ADCY2: variants seen among roughly 807,000 people sequenced by gnomAD.
ADCY2 encodes adenylate cyclase type 2.
In ADCY2, 31 loss-of-function variants were observed where a neutral mutation model predicts 125.2. That is an observed-to-expected ratio of 0.25 (90% CI 0.19 to 0.33). ADCY2 has a LOEUF of 0.33. ADCY2 is among the 10% of genes least tolerant of loss of function. ADCY2 has a pLI of 1.00. For synonymous variants in ADCY2, 512 were observed against 548.4 expected (o/e 0.93, Z 0.93); for missense variants, 904 against 1,418.2 (o/e 0.64, Z 5.82).
chr5:7,641,001 CTT>C (rs2126673526), intron 4 of ADCY2, among the ~76,000 whole-genome samples: 1 of 152,308 alleles, frequency 6.6e-6, no homozygotes, highest in South Asian at 2.1e-4. Flanking sequence ...ATTGAGCACT[CTT>C]TGAGTAGAGA....
intron 5 of ADCY2, among the ~76,000 whole-genome samples, chr5:7,692,867 C>T (rs541904543): frequency 6.2e-4 from 94 of 152,276 alleles, no homozygotes; most frequent in African/African-American, 2.1e-3. Context: ...TCTCTCCAGT[C>T]GTCTTCTGGG....
chr5:7,498,031 AAAC>A (rs1156643346), intron 2 of ADCY2, among the ~76,000 whole-genome samples: 1 of 152,160 alleles, frequency 6.6e-6, no homozygotes, highest in Admixed American at 6.6e-5. Context: ...TGTAAAACAA[AAAC>A]AACAATAATA....
At chr5:7,560,404 T>A (rs1020963963) in intron 3 of ADCY2, among the ~76,000 whole-genome samples, 1 of 152,220 alleles carries the variant, frequency 6.6e-6, no homozygotes, top group Non-Finnish European at 1.5e-5. Flanking sequence ...GCCTTTTGAA[T>A]GTTTTCAATT....
chr5:7,804,473 T>A, intron 21 of ADCY2, 112 bp from the exon 22 acceptor site: 1 of 851,644 alleles, frequency 1.2e-6, no homozygotes, highest in Non-Finnish European at 2.0e-6. Context: ...ACGCAGTGGT[T>A]GAAACAAGTC....
chr5:7,477,534 C>G (rs1742569576), intron 2 of ADCY2, among the ~76,000 whole-genome samples: 1 of 152,138 alleles, frequency 6.6e-6, no homozygotes, highest in South Asian at 2.1e-4. Flanking sequence ...AAGACAGCAC[C>G]TGAGAGGAAA....
chr5:7,753,098 C>T (rs1343996752), intron 15 of ADCY2, among the ~76,000 whole-genome samples: 1 of 152,012 alleles, frequency 6.6e-6, no homozygotes, highest in Non-Finnish European at 1.5e-5. Flanking sequence ...AGGGTTTCAC[C>T]ATGTTGGCCA....
chr5:7,615,007 G>A (rs1353600245), intron 3 of ADCY2, among the ~76,000 whole-genome samples: 2 of 152,186 alleles, frequency 1.3e-5, no homozygotes, highest in Non-Finnish European at 2.9e-5. Context: ...GAGGCCTCAG[G>A]AAACTTGCAA....
chr5:7,688,230 A>T (rs1230083194), intron 4 of ADCY2, among the ~76,000 whole-genome samples: 1 of 151,452 alleles, frequency 6.6e-6, no homozygotes, highest in Admixed American at 6.6e-5. Flanking sequence ...TCCTCTGTTC[A>T]TGTCTGAGGA....
chr5:7,608,301 G>T (rs1445147763), intron 3 of ADCY2, among the ~76,000 whole-genome samples: 1 of 152,154 alleles, frequency 6.6e-6, no homozygotes, highest in Non-Finnish European at 1.5e-5. Flanking sequence ...CTTAAAACAG[G>T]CTGGGTGTGG....
chr5:7,770,184 C>T (rs1222730290), intron 17 of ADCY2, among the ~76,000 whole-genome samples: 1 of 152,126 alleles, frequency 6.6e-6, no homozygotes, highest in Non-Finnish European at 1.5e-5. Flanking sequence ...AGTAGTTGTT[C>T]TGAAATGTGA....
intron 2 of ADCY2, among the ~76,000 whole-genome samples, chr5:7,487,435 A>G (rs1052928841): frequency 6.6e-6 from 1 of 152,098 alleles, no homozygotes; most frequent in Non-Finnish European, 1.5e-5. Flanking sequence ...CAGATAACCT[A>G]TGTCTTTGGT....
chr5:7,420,474 T>C (rs1318607665), intron 2 of ADCY2, among the ~76,000 whole-genome samples: 1 of 151,890 alleles, frequency 6.6e-6, no homozygotes, highest in African/African-American at 2.4e-5. Flanking sequence ...ATAAGGAAAA[T>C]GGAGCGAAAA....
intron 24 of ADCY2, among the ~76,000 whole-genome samples, chr5:7,825,354 CTTG>C (rs780576069): frequency 3.3e-5 from 5 of 151,954 alleles, no homozygotes; most frequent in East Asian, 1.9e-4. Context: ...TGTAACAACA[CTTG>C]TTGTGTGCCG....
intron 22 of ADCY2, among the ~76,000 whole-genome samples, chr5:7,809,794 T>C (rs908042723): frequency 2.0e-5 from 3 of 152,360 alleles, no homozygotes; most frequent in Non-Finnish European, 2.9e-5. Flanking sequence ...ATTTGTACTT[T>C]TTAAATGAAA....
chr5:7,600,492 G>A (rs1017261358), intron 3 of ADCY2, among the ~76,000 whole-genome samples: 1 of 152,218 alleles, frequency 6.6e-6, no homozygotes, highest in Non-Finnish European at 1.5e-5. Flanking sequence ...CAAGGGCTGA[G>A]ACAGGGGAGA....
chr5:7,824,854 T>A (rs1745415411), intron 24 of ADCY2, among the ~76,000 whole-genome samples: 4 of 152,322 alleles, frequency 2.6e-5, no homozygotes, highest in South Asian at 2.1e-4. Flanking sequence ...CAGCCCCTCA[T>A]GGTTTCCTTG....
intron 14 of ADCY2, among the ~76,000 whole-genome samples, chr5:7,732,788 G>T (rs970702306): frequency 1.3e-5 from 2 of 152,178 alleles, no homozygotes; most frequent in Admixed American, 1.3e-4. Context: ...GGAGAAATTT[G>T]TTACCTGGAA....
chr5:7,573,674 C>T (rs113664928), intron 3 of ADCY2, among the ~76,000 whole-genome samples: 21,342 of 143,960 alleles, frequency 0.15, 2,063 homozygotes, highest in Non-Finnish European at 0.21. Flanking sequence ...GCTTCCACAG[C>T]GTGGAAGGGG....
chr5:7,673,269 A>AATATATAT lies in ADCY2; in HGVS notation c.721-17412_721-17405dup, dbSNP rs1180249627. ...AAAAAAAAAAAAAAAAAAAAAAAAA[A>AATATATAT]ATATATATATATATATAAAATTAGC... On this transcript the variant is annotated intron_variant, in intron 4 of 24. Coordinates refer to ENST00000338316, the MANE Select transcript of ADCY2 (RefSeq NM_020546.3). 8.9e-3 allele frequency among the ~76,000 whole-genome samples: 35 copies of AATATATAT among 3,934 alleles called. 3 individuals carry two copies. Among genetic ancestry groups the AATATATAT allele is most frequent in the African/African-American group, 0.019 (30 of 1,576 alleles). The allele number at this position is 3,934 out of a possible 152,430, so 2.6% of individuals were successfully genotyped here.
Sources: gnomAD v4.1 joint callset for allele counts (sites outside exome capture counted in the v4.1 genomes callset) on GRCh38, gnomAD v4.1.1 for gene constraint, MANE v1.5 for transcripts, NCBI Gene and HGNC (gene_info 2026-07-23, HGNC 2026-07-21) for gene names.